The following AGBL1 variants were observed in gnomAD, a reference collection of about 807,000 sequenced individuals.
The protein encoded by AGBL1 is cytosolic carboxypeptidase 4.
A neutral mutation model predicts 118.9 loss-of-function variants in AGBL1; 130 were observed. That is an observed-to-expected ratio of 1.09 (90% CI 0.95 to 1.26). The LOEUF (loss-of-function observed/expected upper bound fraction) is 1.26. Ranked by LOEUF, AGBL1 falls within the 50% of genes most tolerant of loss-of-function variation. The pLI is 0.00. For synonymous variants in AGBL1, 555 were observed against 478.9 expected, an observed-to-expected ratio of 1.16 and a Z score of -2.08; for missense variants, 1,584 against 1,298.1, an observed-to-expected ratio of 1.22 and a Z score of -3.38.
chr15:86,947,806 G>A (rs1471291371), intron 23 of AGBL1, among the ~76,000 whole-genome samples: 1 of 152,096 alleles, frequency 6.6e-6, no homozygotes, highest in African/African-American at 2.4e-5. Flanking sequence ...GTTGTGATTA[G>A]TATATAAAAT....
chr15:86,814,272 T>C (rs1249914425), intron 22 of AGBL1, among the ~76,000 whole-genome samples: 2 of 152,192 alleles, frequency 1.3e-5, no homozygotes, highest in African/African-American at 2.4e-5. Flanking sequence ...TATGATAATC[T>C]AACTAATGCC....
chr15:86,971,536 G>T (rs2081108737), intron 23 of AGBL1, among the ~76,000 whole-genome samples: 2 of 151,946 alleles, frequency 1.3e-5, no homozygotes, highest in Admixed American at 1.3e-4. Context: ...AAATAGTCAA[G>T]AACAGAAAAC....
chr15:86,650,887 A>G (rs551346929), intron 21 of AGBL1, among the ~76,000 whole-genome samples: 1 of 152,302 alleles, frequency 6.6e-6, no homozygotes, highest in African/African-American at 2.4e-5. Flanking sequence ...ACAAATTCCA[A>G]GTAGGTTTGA....
At chr15:86,811,570 T>G (rs1018679466) in intron 22 of AGBL1, among the ~76,000 whole-genome samples, 1 of 152,192 alleles carries the variant, frequency 6.6e-6, no homozygotes, top group African/African-American at 2.4e-5. Context: ...CCAACTCCCC[T>G]CTGTTTTATT....
chr15:86,943,216 C>T (rs557749356), intron 23 of AGBL1, among the ~76,000 whole-genome samples: 1 of 152,250 alleles, frequency 6.6e-6, no homozygotes, highest in Non-Finnish European at 1.5e-5. Flanking sequence ...TTGAAACTAC[C>T]TATCTGGAAC....
chr15:87,000,824 G>A (rs1279095415), intron 24 of AGBL1, among the ~76,000 whole-genome samples: 1 of 146,770 alleles, frequency 6.8e-6, no homozygotes, highest in Non-Finnish European at 1.5e-5. Context: ...TGGGCAGTAT[G>A]GCCACTTTCA....
At chr15:86,274,877 C>T (rs906084595) in intron 15 of AGBL1, among the ~76,000 whole-genome samples, 1 of 152,116 alleles carries the variant, frequency 6.6e-6, no homozygotes, top group Non-Finnish European at 1.5e-5. Context: ...ATATTTTCTG[C>T]CTGTGGTCAG....
chr15:86,835,469 C>G (rs2079158634), intron 22 of AGBL1, among the ~76,000 whole-genome samples: 1 of 152,226 alleles, frequency 6.6e-6, no homozygotes, highest in East Asian at 1.9e-4. Flanking sequence ...CTGTTGCCTT[C>G]TAGCGTGGCA....
intron 21 of AGBL1, among the ~76,000 whole-genome samples, chr15:86,560,301 C>G (rs1211317692): frequency 6.7e-6 from 1 of 150,074 alleles, no homozygotes; most frequent in Non-Finnish European, 1.5e-5. Context: ...TCCCCACCCC[C>G]GCAACAGTCC....
intron 21 of AGBL1, among the ~76,000 whole-genome samples, chr15:86,650,036 G>C (rs1315056849): frequency 6.6e-6 from 1 of 152,102 alleles, no homozygotes; most frequent in Non-Finnish European, 1.5e-5. Context: ...GTATCATTCA[G>C]CATTCTTTTA....
At chr15:86,443,911 A>C (rs2082092828) in intron 18 of AGBL1, among the ~76,000 whole-genome samples, 1 of 152,178 alleles carries the variant, frequency 6.6e-6, no homozygotes, top group Non-Finnish European at 1.5e-5. Context: ...GCTGCAATAA[A>C]CATAAGGGTG....
At chr15:86,557,434 C>A (rs964312893) in intron 21 of AGBL1, among the ~76,000 whole-genome samples, 1 of 152,204 alleles carries the variant, frequency 6.6e-6, no homozygotes, top group Non-Finnish European at 1.5e-5. Flanking sequence ...TTTACCCAAG[C>A]AGGCTGTCAG....
chr15:87,031,158 T>C (rs570852908), downstream of AGBL1, among the ~76,000 whole-genome samples: 5 of 152,110 alleles, frequency 3.3e-5, no homozygotes, highest in East Asian at 9.7e-4. Context: ...TGTGTCAGCT[T>C]TGTGTATGGA....
chr15:86,721,392 C>G (rs1003050970), intron 22 of AGBL1, among the ~76,000 whole-genome samples: 2 of 152,114 alleles, frequency 1.3e-5, no homozygotes, highest in Admixed American at 6.5e-5. Flanking sequence ...GAACCAAAGA[C>G]AAAAACCATA....
In AGBL1 at chr15:86,111,687, G is replaced by A. The variant is rs752421725; in HGVS notation, c.52-30317G>A. 2.0e-5 allele frequency among the ~76,000 whole-genome samples: 3 copies of A among 152,158 alleles called. 1 individual carries two copies. Among genetic ancestry groups the A allele is most frequent in the Non-Finnish European group, 4.4e-5 (3 of 68,046 alleles). On this transcript the variant is annotated intron_variant, in intron 1 of 22. Coordinates refer to ENST00000614907, the MANE Select transcript of AGBL1 (RefSeq NM_001386094.1). The stretch of plus-strand genomic sequence containing the variant: ...GAAAACACTTGTGTAGTATCAAAAG[G>A]CATGCTCTTACTTGTTAACATGGAA...
rs1229870822 is a variant in AGBL1 at position 86,279,693 on chromosome 15, C to T, written c.2130C>T (p.Tyr710=). 5.6e-6 allele frequency: 9 copies of T among 1,613,498 alleles called. No individual in the cohort carries two copies. Among genetic ancestry groups the T allele is most frequent in the Non-Finnish European group, 7.6e-6 (9 of 1,179,470 alleles). Residue 710 remains tyrosine (Y), a synonymous_variant, in exon 16 of 23, where the codon TAC becomes TAT. Transcript: ENST00000614907. ...AVAGGASGKC[Y]YTLTFAVTFP... ...CAGGCGGAGCATCTGGGAAGTGCTA[C>T]TATACCCTCACCTTTGCTGTCACCT...
intron 19 of AGBL1, among the ~76,000 whole-genome samples, chr15:86,543,067 A>C (rs1175673941): frequency 1.3e-5 from 2 of 151,918 alleles, no homozygotes; most frequent in African/African-American, 2.4e-5. Context: ...GCTGTTTTCT[A>C]TTTTTTCATG....
intron 24 of AGBL1, among the ~76,000 whole-genome samples, chr15:86,990,200 G>A (rs1156375306): frequency 1.3e-5 from 2 of 152,082 alleles, no homozygotes; most frequent in Non-Finnish European, 2.9e-5. Flanking sequence ...AGATGAGAGA[G>A]GATAGGGGCT....
At chr15:87,001,543 A>T (rs2081437564) in intron 24 of AGBL1, among the ~76,000 whole-genome samples, 1 of 152,028 alleles carries the variant, frequency 6.6e-6, no homozygotes, top group Non-Finnish European at 1.5e-5. Flanking sequence ...TAGATCCTTG[A>T]GGAATCGCCA....
Sources: allele counts gnomAD v4.1 joint callset (sites outside exome capture counted in the v4.1 genomes callset), GRCh38; gene constraint gnomAD v4.1.1; transcripts MANE v1.5; gene names NCBI Gene and HGNC (gene_info 2026-07-23, HGNC 2026-07-21).